Variants in RALGAPA2 observed in about 807,000 individuals in gnomAD.
RALGAPA2 encodes the protein ral GTPase-activating protein subunit alpha-2.
In RALGAPA2, 139 loss-of-function variants were observed where a neutral mutation model predicts 230.4. That is an observed-to-expected ratio of 0.60 (90% CI 0.53 to 0.69). The LOEUF (loss-of-function observed/expected upper bound fraction) is 0.69, where lower values mean the gene tolerates loss of function less well. Among genes scored for constraint, RALGAPA2 ranks in the 30% least tolerant of loss-of-function variants. RALGAPA2 has a pLI of 0.00. For missense variants in RALGAPA2, 2,163 were observed against 2,276.0 expected (o/e 0.95, Z 1.01); for synonymous variants, 847 against 837.8 (o/e 1.01, Z -0.19).
chr20:20,654,371 T>C (rs373305873), intron 3 of RALGAPA2, among the ~76,000 whole-genome samples: 3 of 152,286 alleles, frequency 2.0e-5, no homozygotes, highest in East Asian at 3.9e-4. Context: ...GTATTTTTAA[T>C]AGAGATGGGG....
In RALGAPA2 at chr20:20,680,452, A is replaced by G. The variant is rs965774046; in HGVS notation, c.217+239T>C. On this transcript the variant is annotated intron_variant, in intron 2 of 39. Transcript: ENST00000202677. ...TTTTCAGTAACTTACTCCTTTGAAA[A>G]TCATGCTTTCTAAGGGTTCCTTCTG... Among the ~76,000 whole-genome samples, 32 of 152,144 alleles carry G rather than the reference A, an allele frequency of 2.1e-4. 1 individual carries two copies. Among genetic ancestry groups the G allele is most frequent in the African/African-American group, 7.5e-4 (31 of 41,430 alleles).
intron 9 of RALGAPA2, among the ~76,000 whole-genome samples, chr20:20,631,000 G>C (rs2066655558): frequency 6.6e-6 from 1 of 152,116 alleles, no homozygotes; most frequent in South Asian, 2.1e-4. Flanking sequence ...AGAGACGTGA[G>C]GCCCATGTCC....
intron 1 of RALGAPA2, among the ~76,000 whole-genome samples, chr20:20,681,256 CCCA>C (rs2068511075): frequency 6.6e-6 from 1 of 152,150 alleles, no homozygotes; most frequent in African/African-American, 2.4e-5. Context: ...CTGCTCCCTC[CCCA>C]CCAACATAAC....
chr20:20,591,555 G>GA (rs1019555598), intron 16 of RALGAPA2, among the ~76,000 whole-genome samples: 1 of 151,714 alleles, frequency 6.6e-6, no homozygotes, highest in Non-Finnish European at 1.5e-5. Context: ...CAAAGTAAAG[G>GA]AAAAAAAGCC....
intron 20 of RALGAPA2, among the ~76,000 whole-genome samples, chr20:20,581,459 G>C (rs532948819): frequency 1.3e-5 from 2 of 152,096 alleles, no homozygotes; most frequent in Non-Finnish European, 2.9e-5. Context: ...GTGTAAAGGA[G>C]TAGACATAGC....
At chr20:20,512,216 AC>A (rs1403287791) in intron 32 of RALGAPA2, among the ~76,000 whole-genome samples, 4 of 124,480 alleles carry the variant, frequency 3.2e-5, no homozygotes, top group African/African-American at 1.3e-4. Flanking sequence ...AACAACAACA[AC>A]CCCCCCTACA....
intron 38 of RALGAPA2, among the ~76,000 whole-genome samples, chr20:20,406,649 C>T (rs2059953067): frequency 6.6e-6 from 1 of 152,340 alleles, no homozygotes; most frequent in East Asian, 1.9e-4. Flanking sequence ...CAGTGGCACA[C>T]ACCTGTAATC....
chr20:20,541,727 G>A (rs919907397), intron 24 of RALGAPA2, among the ~76,000 whole-genome samples: 2 of 152,170 alleles, frequency 1.3e-5, no homozygotes, highest in African/African-American at 4.8e-5. Context: ...ATCAGAAAGT[G>A]AAACTGAGGA....
In RALGAPA2 at chr20:20,391,056, TCTA is replaced by T. The variant is rs1223801344; in HGVS notation, c.*2230_*2232del. ...GATTTCTAAATCCTGACATATCTTTTCTACTAAAGCCAGCAATTCCGCAACAGG... is the reference window on the plus strand; with the variant it reads ...GATTTCTAAATCCTGACATATCTTTTCTAAAGCCAGCAATTCCGCAACAGG... On this transcript the variant is annotated 3_prime_UTR_variant, in exon 40 of 40. Transcript: ENST00000202677. 1 of 152,208 alleles carries T rather than the reference TCTA, an allele frequency of 6.6e-6. No individual in the cohort carries two copies. Among genetic ancestry groups the T allele is most frequent in the African/African-American group, 2.4e-5 (1 of 41,450 alleles). 9.4% of individuals were successfully genotyped at this position (152,208 alleles called of 1,614,324 possible).
intron 36 of RALGAPA2, among the ~76,000 whole-genome samples, chr20:20,491,100 G>GCTA (rs1189752760): frequency 2.0e-5 from 3 of 152,096 alleles, no homozygotes; most frequent in Non-Finnish European, 4.4e-5. Context: ...AGCTGAGGAA[G>GCTA]CTAAGATTCA....
chr20:20,421,379 T>C (rs995474239), intron 37 of RALGAPA2, among the ~76,000 whole-genome samples: 2 of 152,184 alleles, frequency 1.3e-5, no homozygotes, highest in Non-Finnish European at 2.9e-5. Context: ...GAATATAAAG[T>C]GTGGCCACAG....
intron 10 of RALGAPA2, 149 bp downstream of exon 10, chr20:20,629,214 C>G: frequency 3.0e-6 from 2 of 673,708 alleles, no homozygotes; most frequent in Non-Finnish European, 5.1e-6. Context: ...AGGGATCGTT[C>G]TTTATTATTC....
At chr20:20,628,453 A>G (rs1466212072) in intron 10 of RALGAPA2, among the ~76,000 whole-genome samples, 1 of 152,206 alleles carries the variant, frequency 6.6e-6, no homozygotes, top group Non-Finnish European at 1.5e-5. Flanking sequence ...GAGCACCAGT[A>G]CCTAGAGTCA....
At chr20:20,665,643 A>T (rs1000326883) in intron 3 of RALGAPA2, among the ~76,000 whole-genome samples, 5 of 152,260 alleles carry the variant, frequency 3.3e-5, no homozygotes, top group Admixed American at 2.6e-4. Flanking sequence ...ACATTCTATA[A>T]TAGGATAATC....
At chr20:20,591,142 A>G (rs540381186) in intron 17 of RALGAPA2, 35 bp downstream of exon 17, 3 of 1,603,286 alleles carry the variant, frequency 1.9e-6, no homozygotes, top group Admixed American at 1.7e-5. Context: ...GCCAGAATCT[A>G]TAGTTCTGTA....
rs543678007 is a variant in RALGAPA2, at chr20:20,534,102, T to C, written c.3473+1643A>G. Among the ~76,000 whole-genome samples the C allele has an allele frequency of 3.7e-4, 57 of 152,110 alleles. 1 individual carries two copies. In the South Asian group the frequency reaches 0.012, roughly 31 times the overall value. The stretch of plus-strand genomic sequence containing the variant: ...AAAAAATCAGAGGATACACAAAACG[T>C]GTCAGAGATTAAAAAGTGGATGTAA... On this transcript the variant is annotated intron_variant, in intron 26 of 39. Coordinates refer to ENST00000202677, the MANE Select transcript of RALGAPA2 (RefSeq NM_020343.4).
chr20:20,493,686 T>C (rs2062126116), intron 36 of RALGAPA2, among the ~76,000 whole-genome samples: 1 of 152,200 alleles, frequency 6.6e-6, no homozygotes, highest in East Asian at 1.9e-4. Flanking sequence ...TTCCTCTTTT[T>C]GAAAGCTATA....
intron 20 of RALGAPA2, among the ~76,000 whole-genome samples, chr20:20,574,731 C>T (rs369213592): frequency 6.6e-6 from 1 of 151,778 alleles, no homozygotes. Context: ...CAGCATTTAA[C>T]GCTTCTTCTC....
At chr20:20,573,431 T>G (rs76009234) in intron 20 of RALGAPA2, among the ~76,000 whole-genome samples, 4,048 of 152,088 alleles carry the variant, frequency 0.027, 73 homozygotes, top group Non-Finnish European at 0.04. Context: ...CTGCGGTGGT[T>G]GTTGTTAGGT....
Sources: gnomAD v4.1 joint callset for allele counts (sites outside exome capture counted in the v4.1 genomes callset) on GRCh38, gnomAD v4.1.1 for gene constraint, MANE v1.5 for transcripts, NCBI Gene and HGNC (gene_info 2026-07-23, HGNC 2026-07-21) for gene names.